Variants in VMP1 observed in about 807,000 individuals in gnomAD.
The protein encoded by VMP1 is ectopic P-granules autophagy protein 3 homolog.
A neutral mutation model predicts 56.0 loss-of-function variants in VMP1; 11 were observed. The observed-to-expected ratio is 0.20, with a 90% CI of 0.12 to 0.32. The LOEUF is 0.32. Among genes scored for constraint, VMP1 ranks in the 10% least tolerant of loss-of-function variants. The pLI is 1.00. For synonymous variants in VMP1, 149 were observed against 165.0 expected, an observed-to-expected ratio of 0.90 and a Z score of 0.74; for missense variants, 296 against 490.3, an observed-to-expected ratio of 0.60 and a Z score of 3.74.
intron 8 of VMP1, 122 bp from the exon 9 acceptor site, chr17:59,811,548 G>A: frequency 2.7e-6 from 2 of 733,642 alleles, no homozygotes; most frequent in East Asian, 5.0e-5. Flanking sequence ...TAGTGATCAA[G>A]GAACCCATAT....
chr17:59,784,394 AT>A (rs2036935792), intron 7 of VMP1, among the ~76,000 whole-genome samples: 2 of 151,792 alleles, frequency 1.3e-5, no homozygotes, highest in Admixed American at 1.3e-4. Context: ...TTTGTGAACT[AT>A]TTTATGATTC....
At chr17:59,754,987 G>A (rs112360988) in intron 5 of VMP1, among the ~76,000 whole-genome samples, 2 of 30,522 alleles carry the variant, frequency 6.6e-5, no homozygotes, top group Non-Finnish European at 1.4e-4. Context: ...AGCCCCCCCC[G>A]CCCTTTTTTA....
intron 7 of VMP1, among the ~76,000 whole-genome samples, chr17:59,797,067 C>A (rs933784023): frequency 2.0e-5 from 3 of 152,072 alleles, no homozygotes; most frequent in Non-Finnish European, 4.4e-5. Flanking sequence ...GGCACTGTTG[C>A]TCAAGCCTGT....
At chr17:59,795,834 A>G (rs1230979415) in intron 7 of VMP1, among the ~76,000 whole-genome samples, 1 of 152,150 alleles carries the variant, frequency 6.6e-6, no homozygotes, top group Non-Finnish European at 1.5e-5. Context: ...GACATTTACT[A>G]AGCAGTATAA....
intron 10 of VMP1, among the ~76,000 whole-genome samples, chr17:59,829,389 C>G (rs956738515): frequency 3.9e-5 from 6 of 152,124 alleles, no homozygotes; most frequent in African/African-American, 1.4e-4. Flanking sequence ...GAGCAGTCTA[C>G]CTTACTAGGA....
Position 59,738,885 on chromosome 17 carries a change from G to A in VMP1, c.352G>A (p.Gly118Ser). The A allele has an allele frequency of 1.9e-6, 3 of 1,613,096 alleles. No homozygotes were observed. The highest frequency in any genetic ancestry group is 2.5e-6 in the Non-Finnish European group (3 of 1,179,616). ...GTTTCTTTTGTATGCCTACTGGATA[G>A]GCTTAGGAATTTTGTCTTCTGTTGG... Reference protein sequence around the residue: ...KQFLLYAYWIGLGILSSVGLG... With the variant: ...KQFLLYAYWISLGILSSVGLG... The change falls in exon 5 of 12, where the codon GGC becomes AGC. Residue 118 changes from glycine (G) to serine (S), a missense_variant. Transcript: ENST00000262291.
intron 7 of VMP1, 23 bp downstream of exon 7, chr17:59,773,908 A>G (rs1319723837): frequency 1.3e-6 from 2 of 1,579,280 alleles, no homozygotes; most frequent in East Asian, 2.3e-5. Context: ...GGGATAGAAA[A>G]TAGAACACTT....
At chr17:59,757,861 T>C (rs1190608963) in intron 5 of VMP1, among the ~76,000 whole-genome samples, 42 of 126,428 alleles carry the variant, frequency 3.3e-4, no homozygotes, top group African/African-American at 1.1e-3. Context: ...ATTTGCCACT[T>C]TTTTTTTTTT....
At chr17:59,804,852 A>C (rs2037795137) in intron 7 of VMP1, among the ~76,000 whole-genome samples, 1 of 152,132 alleles carries the variant, frequency 6.6e-6, no homozygotes, top group South Asian at 2.1e-4. Context: ...ACAACTGTGC[A>C]GACTTCATAT....
At chr17:59,832,287 C>CTCA (rs2038834446) in intron 10 of VMP1, among the ~76,000 whole-genome samples, 3 of 149,626 alleles carry the variant, frequency 2.0e-5, no homozygotes, top group Admixed American at 2.0e-4. Flanking sequence ...CTCAGCCTCC[C>CTCA]GAGTAGCTGG....
At chr17:59,824,894 A>AT in intron 10 of VMP1, among the ~76,000 whole-genome samples, 1 of 145,388 alleles carries the variant, frequency 6.9e-6, no homozygotes, top group South Asian at 2.2e-4. Flanking sequence ...AAAAAAAAAA[A>AT]TTGGCTAGGC....
intron 7 of VMP1, among the ~76,000 whole-genome samples, chr17:59,794,734 G>A (rs534248720): frequency 1.3e-5 from 2 of 150,886 alleles, no homozygotes; most frequent in East Asian, 2.0e-4. Context: ...ACTGGAGTCA[G>A]CCCCCGAGAA....
intron 7 of VMP1, among the ~76,000 whole-genome samples, chr17:59,774,701 G>A (rs2036555147): frequency 6.6e-6 from 1 of 151,878 alleles, no homozygotes; most frequent in South Asian, 2.1e-4. Flanking sequence ...GTTTGTTTTT[G>A]ATTTAGGGTC....
At chr17:59,831,328 C>T (rs1162346341) in intron 10 of VMP1, among the ~76,000 whole-genome samples, 3 of 152,104 alleles carry the variant, frequency 2.0e-5, no homozygotes, top group Non-Finnish European at 2.9e-5. Context: ...CTTGCCATCA[C>T]ACCCAGCTAC....
At chr17:59,778,384 C>CA (rs990598252) in intron 7 of VMP1, among the ~76,000 whole-genome samples, 142 of 150,264 alleles carry the variant, frequency 9.5e-4, no homozygotes, top group African/African-American at 2.9e-3. Context: ...ACTAAAAATA[C>CA]AAAAAAAAAT....
At chr17:59,796,001 T>C (rs972192748) in intron 7 of VMP1, among the ~76,000 whole-genome samples, 3 of 152,210 alleles carry the variant, frequency 2.0e-5, no homozygotes, top group African/African-American at 7.2e-5. Context: ...TTAAAAACCA[T>C]AGAATTGCTG....
intron 7 of VMP1, chr17:59,784,903 A>T (rs1211098444): frequency 6.6e-6 from 1 of 152,076 alleles, no homozygotes; most frequent in African/African-American, 2.4e-5. Context: ...AGACTTGCAA[A>T]TTTTAATTCA....
In VMP1 at chr17:59,731,371, A is replaced by G. The variant is rs1486770984; in HGVS notation, c.-26-50A>G. ...TATTCAGTTTTATTCAGTCACAGCT[A>G]CACAGCAGAAGTTTGTAATGTATTG... On this transcript the variant is annotated intron_variant, in intron 1 of 11. Coordinates refer to ENST00000262291, the MANE Select transcript of VMP1 (RefSeq NM_030938.5). 3 of 1,137,902 alleles carry G rather than the reference A, an allele frequency of 2.6e-6. No individual in the cohort carries two copies. The African/African-American group carries it at 4.8e-5, about 18-fold the overall frequency. The allele number at this position is 1,137,902 out of a possible 1,614,324, so 70.5% of individuals were successfully genotyped here.
Position 59,838,364 on chromosome 17 carries a change from G to A in VMP1, c.1044G>A (p.Lys348=). 6.2e-7 allele frequency: 1 copy of A among 1,614,122 alleles called. No homozygotes were observed. Among genetic ancestry groups the A allele is most frequent in the Non-Finnish European group, 8.5e-7 (1 of 1,180,016 alleles). ...AGTACCTGGAGGCTCAACGGCAGAA[G>A]CTTCACCACAAAAGCGAAATGGGCA... is the stretch of plus-strand genomic sequence containing the variant. ...FQEYLEAQRQ[K]LHHKSEMGTP... Residue 348 remains lysine (K), a synonymous_variant, in exon 11 of 12, where the codon AAG becomes AAA. Coordinates refer to ENST00000262291, the MANE Select transcript of VMP1 (RefSeq NM_030938.5).
Sources: allele counts gnomAD v4.1 joint callset (sites outside exome capture counted in the v4.1 genomes callset), GRCh38; gene constraint gnomAD v4.1.1; transcripts MANE v1.5; gene names NCBI Gene and HGNC (gene_info 2026-07-23, HGNC 2026-07-21).